The following RGS5 variants were observed in gnomAD, a reference collection of about 807,000 sequenced individuals.
The protein encoded by RGS5 is regulator of G protein signaling 5.
In RGS5, 20 loss-of-function variants were observed where a neutral mutation model predicts 18.9. That is an observed-to-expected ratio of 1.06 (90% CI 0.74 to 1.54). RGS5 has a LOEUF of 1.54. Ranked by LOEUF, RGS5 falls within the 40% of genes most tolerant of loss-of-function variation. The pLI, the probability that RGS5 is intolerant of heterozygous loss-of-function variation, is 0.00. For synonymous variants in RGS5, 57 were observed against 76.2 expected (o/e 0.75, Z 1.31); for missense variants, 201 against 211.8 (o/e 0.95, Z 0.32).
intron 1 of RGS5, among the ~76,000 whole-genome samples, chr1:163,176,375 A>G (rs561527190): frequency 1.3e-5 from 2 of 152,308 alleles, no homozygotes; most frequent in Admixed American, 1.3e-4. Context: ...TAATCCCATC[A>G]CTTTGGGAGG....
intron 2 of RGS5, among the ~76,000 whole-genome samples, chr1:163,288,236 T>C (rs1649194285): frequency 6.6e-6 from 1 of 152,152 alleles, no homozygotes; most frequent in Admixed American, 6.5e-5. Context: ...TAATTCTCTA[T>C]TGTATTTAAA....
At chr1:163,234,634 C>A (rs1037754977) in intron 2 of RGS5, among the ~76,000 whole-genome samples, 1 of 152,154 alleles carries the variant, frequency 6.6e-6, no homozygotes, top group African/African-American at 2.4e-5. Flanking sequence ...GCCATCTGAG[C>A]CAGTTTTCTT....
At chr1:163,193,669 T>C (rs1241649870) in intron 1 of RGS5, among the ~76,000 whole-genome samples, 4 of 152,164 alleles carry the variant, frequency 2.6e-5, no homozygotes, top group Non-Finnish European at 5.9e-5. Context: ...TTGCTGAGCA[T>C]ATACACGCCT....
intron 2 of RGS5, among the ~76,000 whole-genome samples, chr1:163,298,721 A>T (rs1002892687): frequency 1.3e-5 from 2 of 152,082 alleles, no homozygotes; most frequent in African/African-American, 2.4e-5. Flanking sequence ...CAGGGAGGAT[A>T]CCTATGACAA....
At chr1:163,220,415 G>C (rs151221473), upstream of RGS5, among the ~76,000 whole-genome samples, 1 of 152,048 alleles carries the variant, frequency 6.6e-6, no homozygotes, top group African/African-American at 2.4e-5. Flanking sequence ...TCAGAATCAC[G>C]TGTGTGTTGC....
At chr1:163,148,009 C>A (rs975838086) in intron 4 of RGS5, among the ~76,000 whole-genome samples, 1 of 140,498 alleles carries the variant, frequency 7.1e-6, no homozygotes, top group African/African-American at 2.7e-5. Flanking sequence ...TTCACTGCAA[C>A]CTCTGCCTTC....
chr1:163,220,306 A>G (rs1323019754), upstream of RGS5, among the ~76,000 whole-genome samples: 1 of 137,544 alleles, frequency 7.3e-6, no homozygotes, highest in East Asian at 2.0e-4. Context: ...TTTTTTCTGC[A>G]TCCATTAAAA....
intron 3 of RGS5, among the ~76,000 whole-genome samples, chr1:163,154,878 TA>T (rs1327899519): frequency 6.7e-6 from 1 of 149,574 alleles, no homozygotes; most frequent in Non-Finnish European, 1.5e-5. Flanking sequence ...TATATAGATA[TA>T]GATATAGCCT....
chr1:163,193,925 T>C (rs2101650968), intron 1 of RGS5, among the ~76,000 whole-genome samples: 1 of 152,254 alleles, frequency 6.6e-6, no homozygotes, highest in Admixed American at 6.5e-5. Flanking sequence ...GAAAATGTAG[T>C]GTAGTATAAA....
intron 3 of RGS5, among the ~76,000 whole-genome samples, chr1:163,152,946 G>A (rs1031263604): frequency 7.9e-5 from 11 of 139,858 alleles, no homozygotes; most frequent in Non-Finnish European, 1.1e-4. Context: ...ATGCAGAGCT[G>A]TATGGAACTC....
intron 1 of RGS5, among the ~76,000 whole-genome samples, chr1:163,175,959 T>C (rs993652170): frequency 6.6e-6 from 1 of 152,168 alleles, no homozygotes; most frequent in Non-Finnish European, 1.5e-5. Flanking sequence ...CACAAGTGAA[T>C]CATTCCCTAG....
intron 1 of RGS5, among the ~76,000 whole-genome samples, chr1:163,200,298 C>A (rs1183976429): frequency 6.6e-6 from 1 of 152,132 alleles, no homozygotes; most frequent in Non-Finnish European, 1.5e-5. Flanking sequence ...ATATGGAAGT[C>A]AGAACTGAAC....
At chr1:163,206,583 G>A (rs1659960701), upstream of RGS5, 1 of 152,124 alleles carries the variant, frequency 6.6e-6, no homozygotes, top group Non-Finnish European at 1.5e-5. Flanking sequence ...AAGAGGTGGG[G>A]CCTTTAGGAG....
intron 2 of RGS5, among the ~76,000 whole-genome samples, chr1:163,249,470 C>T (rs1308702077): frequency 2.0e-5 from 3 of 152,224 alleles, no homozygotes; most frequent in Non-Finnish European, 4.4e-5. Flanking sequence ...ATCACCCACT[C>T]TTTCCATGCT....
chr1:163,272,148 G>T (rs1317843715), intron 2 of RGS5, among the ~76,000 whole-genome samples: 1 of 151,542 alleles, frequency 6.6e-6, no homozygotes, highest in East Asian at 1.9e-4. Context: ...GTGGTATCTT[G>T]GTGTGGTTTT....
intron 2 of RGS5, among the ~76,000 whole-genome samples, chr1:163,252,785 T>G (rs1489137914): frequency 6.6e-6 from 1 of 152,036 alleles, no homozygotes; most frequent in African/African-American, 2.4e-5. Context: ...TTTATGGGAG[T>G]TGGTTGGAAA....
At chr1:163,316,751 G>C (rs1650036073) in intron 1 of RGS5, among the ~76,000 whole-genome samples, 1 of 152,092 alleles carries the variant, frequency 6.6e-6, no homozygotes, top group African/African-American at 2.4e-5. Context: ...AAATACATTG[G>C]AGGAAAAGGC....
chr1:163,153,160 T>A (rs1480741602), intron 3 of RGS5, among the ~76,000 whole-genome samples: 1 of 152,212 alleles, frequency 6.6e-6, no homozygotes, highest in Non-Finnish European at 1.5e-5. Flanking sequence ...AGTATCACTA[T>A]GAACTACTCA....
intron 2 of RGS5, among the ~76,000 whole-genome samples, chr1:163,286,719 T>C (rs1198986020): frequency 6.6e-6 from 1 of 152,172 alleles, no homozygotes; most frequent in Non-Finnish European, 1.5e-5. Context: ...TTTTTTTCTG[T>C]AATCTCTGCC....
Sources: gnomAD v4.1 joint callset for allele counts (sites outside exome capture counted in the v4.1 genomes callset) on GRCh38, gnomAD v4.1.1 for gene constraint, MANE v1.5 for transcripts, NCBI Gene and HGNC (gene_info 2026-07-23, HGNC 2026-07-21) for gene names.